B3GALT1: variants seen among roughly 807,000 people sequenced by gnomAD.
The protein encoded by B3GALT1 is beta-1,3-galactosyltransferase 1.
In B3GALT1, 10 loss-of-function variants were observed where a neutral mutation model predicts 23.2. The ratio of observed to expected loss-of-function variants is 0.43; its 90% CI spans 0.27 to 0.73. The LOEUF (loss-of-function observed/expected upper bound fraction) is 0.73. Among genes scored for constraint, B3GALT1 ranks in the 30% least tolerant of loss-of-function variants. The pLI is 0.21. For missense variants in B3GALT1, 299 were observed against 405.4 expected (o/e 0.74, Z 2.25); for synonymous variants, 156 against 141.5 (o/e 1.10, Z -0.73).
intron 4 of B3GALT1, among the ~76,000 whole-genome samples, chr2:167,819,520 G>A (rs940447072): frequency 2.6e-5 from 4 of 152,168 alleles, no homozygotes; most frequent in Non-Finnish European, 4.4e-5. Flanking sequence ...CTGTGATTCA[G>A]GGAAAGAAGC....
At chr2:167,313,155 G>C (rs1696658208) in intron 1 of B3GALT1, among the ~76,000 whole-genome samples, 1 of 152,014 alleles carries the variant, frequency 6.6e-6, no homozygotes. Context: ...ATGATTTTCT[G>C]CTTATTCATG....
rs373197429 is a variant in B3GALT1 at position 167,404,982 on chromosome 2, A to G, written c.-510-85195A>G. 4.9e-4 allele frequency among the ~76,000 whole-genome samples: 75 copies of G among 152,248 alleles called. 2 individuals carry two copies. The South Asian group carries it at 0.015, about 31-fold the overall frequency. ...TTACGAGCACAGGAAAAAATCCCGA[A>G]TGTCAATAAGCCAATGTTTTAATTA... On this transcript the variant is annotated intron_variant, in intron 1 of 4. Coordinates refer to ENST00000392690, the MANE Select transcript of B3GALT1 (RefSeq NM_020981.4).
At chr2:167,552,510 T>C (rs1248576026) in intron 2 of B3GALT1, among the ~76,000 whole-genome samples, 1 of 152,182 alleles carries the variant, frequency 6.6e-6, no homozygotes, top group East Asian at 1.9e-4. Flanking sequence ...ATTTAAAACA[T>C]TTGATATGTT....
chr2:167,644,320 C>T (rs190547955), intron 2 of B3GALT1, among the ~76,000 whole-genome samples: 4 of 152,100 alleles, frequency 2.6e-5, no homozygotes, highest in Admixed American at 2.6e-4. Flanking sequence ...AACAAAAAAA[C>T]CTCATTATAT....
intron 3 of B3GALT1, among the ~76,000 whole-genome samples, chr2:167,688,246 C>A (rs373520115): frequency 1.3e-5 from 2 of 151,950 alleles, no homozygotes; most frequent in African/African-American, 4.8e-5. Context: ...AGCACCTTAG[C>A]AAAGGACCAT....
intron 2 of B3GALT1, among the ~76,000 whole-genome samples, chr2:167,587,489 G>A (rs938815215): frequency 7.0e-4 from 107 of 152,256 alleles, no homozygotes; most frequent in African/African-American, 2.4e-3. Flanking sequence ...AACTCACAGC[G>A]AGTGTGCTAG....
Position 167,683,670 on chromosome 2 carries a change from G to A in B3GALT1, c.-352+36704G>A, listed in dbSNP as rs147958662. Among the ~76,000 whole-genome samples the A allele has an allele frequency of 3.1e-3, 465 of 152,206 alleles. 3 individuals carry two copies. The highest frequency in any genetic ancestry group is 0.011 in the African/African-American group (444 of 41,528). On this transcript the variant is annotated intron_variant, in intron 3 of 4. Transcript: ENST00000392690. ...TGAAAGGTCGAGGCTGTGGTGAGCC[G>A]TGATTGTGCCACTGCACTCCAGCCT...
intron 2 of B3GALT1, chr2:167,631,355 A>C (rs1039784708): frequency 9.2e-5 from 14 of 151,898 alleles, no homozygotes; most frequent in African/African-American, 3.1e-4. Context: ...CATTCACATG[A>C]ATAGAAGACA....
intron 2 of B3GALT1, among the ~76,000 whole-genome samples, chr2:167,576,520 G>GTTTTTTTTTTGTTTTTTTTTTTTT (rs1558912483): frequency 3.3e-5 from 4 of 122,418 alleles, no homozygotes; most frequent in African/African-American, 6.1e-5. Flanking sequence ...TTGTTTTTCT[G>GTTTTTTTTTTGTTTTTTTTTTTTT]TTTTTTTTTT....
At chr2:167,688,898 G>T (rs72875081) in intron 3 of B3GALT1, among the ~76,000 whole-genome samples, 17,433 of 151,920 alleles carry the variant, frequency 0.11, 1,158 homozygotes, top group Middle Eastern at 0.21. Context: ...TCTTTTCTGG[G>T]AGCCTTGTGT....
chr2:167,301,579 CT>C (rs1437038327), intron 1 of B3GALT1, among the ~76,000 whole-genome samples: 2 of 152,168 alleles, frequency 1.3e-5, no homozygotes, highest in African/African-American at 4.8e-5. Flanking sequence ...GAGATGGAGT[CT>C]TGTTCTGTCA....
rs139162277 is a variant in B3GALT1, at chr2:167,691,875, A to G, written c.-352+44909A>G. 2.4e-3 allele frequency among the ~76,000 whole-genome samples: 372 copies of G among 152,294 alleles called. 1 individual carries two copies. The highest frequency in any genetic ancestry group is 8.4e-3 in the African/African-American group (350 of 41,570). The stretch of plus-strand genomic sequence containing the variant: ...CTATAAGATGTGCATATATAAGTAA[A>G]TAAGTAACCTACGAGGCATATTACT... On this transcript the variant is annotated intron_variant, in intron 3 of 4. Coordinates refer to ENST00000392690, the MANE Select transcript of B3GALT1 (RefSeq NM_020981.4).
chr2:167,646,251 C>T lies in B3GALT1; in HGVS notation c.-409-658C>T, dbSNP rs554779464. Among the ~76,000 whole-genome samples, 16 of 152,216 alleles carry T rather than the reference C, an allele frequency of 1.1e-4. No homozygotes were observed. In the South Asian group the frequency reaches 3.1e-3, roughly 30 times the overall value. On this transcript the variant is annotated intron_variant, in intron 2 of 4. Coordinates refer to ENST00000392690, the MANE Select transcript of B3GALT1 (RefSeq NM_020981.4). Reference sequence around the variant, plus strand: ...AATGTGGGAGCTGTTCTAAGTGAACCAGCAGGTTGGGTAAAGGAAGATAAG... The same window carrying T: ...AATGTGGGAGCTGTTCTAAGTGAACTAGCAGGTTGGGTAAAGGAAGATAAG...
intron 2 of B3GALT1, among the ~76,000 whole-genome samples, chr2:167,625,078 A>G (rs1395115312): frequency 1.3e-5 from 2 of 151,962 alleles, no homozygotes; most frequent in Non-Finnish European, 2.9e-5. Flanking sequence ...TTTATCTTCT[A>G]CAAATAACTT....
intron 3 of B3GALT1, among the ~76,000 whole-genome samples, chr2:167,721,054 G>C (rs78550178): frequency 0.12 from 18,254 of 151,580 alleles, 1,546 homozygotes; most frequent in East Asian, 0.39. Context: ...ATCTCTCTCT[G>C]TATATCTCCA....
intron 3 of B3GALT1, among the ~76,000 whole-genome samples, chr2:167,816,620 G>A (rs1688996250): frequency 6.6e-6 from 1 of 151,908 alleles, no homozygotes; most frequent in African/African-American, 2.4e-5. Context: ...TCATATTAAG[G>A]CTTCATATAT....
chr2:167,613,048 G>A (rs889819368), intron 2 of B3GALT1, among the ~76,000 whole-genome samples: 3 of 151,862 alleles, frequency 2.0e-5, no homozygotes, highest in African/African-American at 4.8e-5. Flanking sequence ...GGAGCAATGG[G>A]GACAGGTAAA....
chr2:167,458,826 A>G (rs1167618588), intron 1 of B3GALT1, among the ~76,000 whole-genome samples: 1 of 152,120 alleles, frequency 6.6e-6, no homozygotes, highest in Non-Finnish European at 1.5e-5. Context: ...GATTGTTAGT[A>G]TATAGAAATG....
intron 1 of B3GALT1, among the ~76,000 whole-genome samples, chr2:167,479,180 G>T (rs1699529201): frequency 6.6e-6 from 1 of 152,096 alleles, no homozygotes; most frequent in South Asian, 2.1e-4. Context: ...TCCCCACTGT[G>T]TAAAACAAGA....
Sources: allele counts gnomAD v4.1 joint callset (sites outside exome capture counted in the v4.1 genomes callset), GRCh38; gene constraint gnomAD v4.1.1; transcripts MANE v1.5; gene names NCBI Gene and HGNC (gene_info 2026-07-23, HGNC 2026-07-21).